Variants in PDE4D observed in about 807,000 individuals in gnomAD.
The protein encoded by PDE4D is 3',5'-cyclic-AMP phosphodiesterase 4D.
A neutral mutation model predicts 87.4 loss-of-function variants in PDE4D; 24 were observed. The ratio of observed to expected loss-of-function variants is 0.27; its 90% confidence interval spans 0.20 to 0.39. The LOEUF (loss-of-function observed/expected upper bound fraction) is 0.39. Ranked by LOEUF, PDE4D falls within the 10% of genes least tolerant of loss-of-function variation. PDE4D has a pLI of 1.00. For missense variants in PDE4D, 714 were observed against 1,041.0 expected, an observed-to-expected ratio of 0.69 and a Z score of 4.32; for synonymous variants, 384 against 383.2, an observed-to-expected ratio of 1.00 and a Z score of -0.02.
intron 5 of PDE4D, among the ~76,000 whole-genome samples, chr5:59,179,455 T>C (rs994941113): frequency 7.2e-5 from 11 of 152,150 alleles, no homozygotes; most frequent in African/African-American, 2.7e-4. Context: ...ACCATATATG[T>C]ACTATAAAAT....
At chr5:59,362,145 A>C (rs1442486805) in intron 1 of PDE4D, among the ~76,000 whole-genome samples, 1 of 152,178 alleles carries the variant, frequency 6.6e-6, no homozygotes, top group Non-Finnish European at 1.5e-5. Flanking sequence ...GGGCTGAATA[A>C]GGCAATTTAT....
chr5:59,075,500 C>CAA (rs56356290), intron 5 of PDE4D, among the ~76,000 whole-genome samples: 36 of 149,140 alleles, frequency 2.4e-4, no homozygotes, highest in African/African-American at 3.2e-4. Flanking sequence ...ACATTTGTTG[C>CAA]AAAAAAAAAC....
intron 1 of PDE4D, among the ~76,000 whole-genome samples, chr5:59,269,509 C>T (rs1763420643): frequency 6.6e-6 from 1 of 152,022 alleles, no homozygotes; most frequent in African/African-American, 2.4e-5. Flanking sequence ...TATCCCAATC[C>T]ATATAGAGAT....
At chr5:59,246,535 C>T (rs1225082937) in intron 1 of PDE4D, among the ~76,000 whole-genome samples, 3 of 152,064 alleles carry the variant, frequency 2.0e-5, no homozygotes, top group South Asian at 2.1e-4. Context: ...AGTTAAAACC[C>T]GCTCTGATCT....
At chr5:59,769,205 C>T (rs1355629034) in intron 1 of PDE4D, among the ~76,000 whole-genome samples, 1 of 152,012 alleles carries the variant, frequency 6.6e-6, no homozygotes, top group Admixed American at 6.6e-5. Context: ...ACTTTTTCTC[C>T]CTCTGTCTCT....
intron 11 of PDE4D, among the ~76,000 whole-genome samples, chr5:58,987,500 C>T (rs961464621): frequency 6.6e-6 from 1 of 152,102 alleles, no homozygotes; most frequent in Non-Finnish European, 1.5e-5. Flanking sequence ...AATTAAATCT[C>T]TCAAAGCAAG....
At chr5:60,001,696 T>A (rs1034835571) in intron 2 of PDE4D, among the ~76,000 whole-genome samples, 6 of 152,128 alleles carry the variant, frequency 3.9e-5, no homozygotes, top group Admixed American at 3.9e-4. Context: ...GTTACAGTAA[T>A]TTGTTAATGG....
At chr5:60,188,832 G>A (rs1784989016) in intron 1 of PDE4D, among the ~76,000 whole-genome samples, 1 of 152,196 alleles carries the variant, frequency 6.6e-6, no homozygotes, top group East Asian at 1.9e-4. Flanking sequence ...TGATTTGTCT[G>A]CCTCAAAATC....
intron 1 of PDE4D, among the ~76,000 whole-genome samples, chr5:59,729,258 G>A (rs183146996): frequency 6.6e-6 from 1 of 152,166 alleles, no homozygotes; most frequent in Non-Finnish European, 1.5e-5. Flanking sequence ...AAAGGTGAGA[G>A]AGCCTCAATG....
chr5:59,743,374 A>G (rs1375068782), intron 1 of PDE4D, among the ~76,000 whole-genome samples: 4 of 152,184 alleles, frequency 2.6e-5, no homozygotes, highest in Non-Finnish European at 5.9e-5. Flanking sequence ...AAAAATGAGT[A>G]CATAACTTGA....
intron 1 of PDE4D, among the ~76,000 whole-genome samples, chr5:59,431,374 G>A (rs1207005454): frequency 6.6e-6 from 1 of 152,084 alleles, no homozygotes; most frequent in Non-Finnish European, 1.5e-5. Context: ...CAAGTGTTCA[G>A]GGTAATGAGA....
intron 2 of PDE4D, among the ~76,000 whole-genome samples, chr5:60,025,751 T>TA (rs984302172): frequency 5.3e-5 from 8 of 151,724 alleles, no homozygotes; most frequent in South Asian, 4.2e-4. Flanking sequence ...CATCATGATT[T>TA]AAAAAAAACC....
chr5:59,703,902 G>A (rs963210506), intron 1 of PDE4D, among the ~76,000 whole-genome samples: 1 of 152,066 alleles, frequency 6.6e-6, no homozygotes, highest in East Asian at 1.9e-4. Context: ...TCAGTTACAT[G>A]GCTCTGATGC....
intron 1 of PDE4D, among the ~76,000 whole-genome samples, chr5:59,660,196 A>T (rs1176477251): frequency 6.6e-6 from 1 of 151,844 alleles, no homozygotes; most frequent in Non-Finnish European, 1.5e-5. Context: ...CGCCAAAATA[A>T]ATAAATAAAT....
At chr5:59,189,952 A>G (rs1335828115) in intron 3 of PDE4D, among the ~76,000 whole-genome samples, 1 of 152,220 alleles carries the variant, frequency 6.6e-6, no homozygotes, top group Non-Finnish European at 1.5e-5. Flanking sequence ...GAGAGATACT[A>G]TAGGATCCTT....
rs184547143 is a variant in PDE4D at position 60,324,134 on chromosome 5, C to T, written c.-89-138447G>A. Among the ~76,000 whole-genome samples the T allele has an allele frequency of 2.1e-3, 327 of 152,276 alleles. 2 individuals carry two copies. Among genetic ancestry groups the T allele is most frequent in the African/African-American group, 7.6e-3 (316 of 41,538 alleles). On this transcript the variant is annotated intron_variant, in intron 1 of 16. Coordinates refer to the PDE4D transcript ENST00000502484. ...ACTCTATCTCCAAGACTTAGCTTAG[C>T]ACCCAACATATTGCAAACACTCAAA...
At chr5:59,337,372 C>A (rs1777882758) in intron 1 of PDE4D, among the ~76,000 whole-genome samples, 1 of 143,680 alleles carries the variant, frequency 7.0e-6, no homozygotes, top group South Asian at 2.6e-4. Flanking sequence ...CTCGCTGTCG[C>A]CCAGGCTGGA....
At chr5:59,185,395 C>T (rs74523644) in intron 3 of PDE4D, 133 bp from the exon 4 acceptor site, 3 of 627,726 alleles carry the variant, frequency 4.8e-6, no homozygotes, top group Non-Finnish European at 8.4e-6. Flanking sequence ...TCTCCCAACA[C>T]TTAGTGCAGT....
intron 11 of PDE4D, among the ~76,000 whole-genome samples, chr5:58,985,501 T>C (rs1370731005): frequency 6.6e-6 from 1 of 152,238 alleles, no homozygotes; most frequent in Non-Finnish European, 1.5e-5. Context: ...TTAACTGCCC[T>C]GGGAACCAGC....
Sources: allele counts gnomAD v4.1 joint callset (sites outside exome capture counted in the v4.1 genomes callset), GRCh38; gene constraint gnomAD v4.1.1; transcripts MANE v1.5; gene names NCBI Gene and HGNC (gene_info 2026-07-23, HGNC 2026-07-21).